BIRC6: variants seen among roughly 807,000 people sequenced by gnomAD.
BIRC6 encodes dual E2 ubiquitin-conjugating enzyme/E3 ubiquitin-protein ligase BIRC6.
Under a neutral mutation model 503.3 loss-of-function variants are expected in BIRC6, and 98 were observed. The observed-to-expected ratio is 0.19, with a 90% CI of 0.17 to 0.23. The LOEUF is 0.23. Among genes scored for constraint, BIRC6 ranks in the 10% least tolerant of loss-of-function variants. The pLI is 1.00. For missense variants in BIRC6, 5,360 were observed against 5,806.0 expected (o/e 0.92, Z 2.50); for synonymous variants, 2,240 against 2,078.7 (o/e 1.08, Z -2.11).
In BIRC6 at chr2:32,548,365, C is replaced by CTTTT. The variant is rs1202755440; in HGVS notation, c.12975+370_12975+373dup. 8.6e-3 allele frequency among the ~76,000 whole-genome samples: 633 copies of CTTTT among 73,316 alleles called. 2 individuals carry two copies. The highest frequency in any genetic ancestry group is 0.012 in the Middle Eastern group (1 of 82). 48.1% of individuals were successfully genotyped at this position (73,316 alleles called of 152,430 possible). On this transcript the variant is annotated intron_variant, in intron 64 of 73. Transcript: ENST00000421745. The stretch of plus-strand genomic sequence containing the variant: ...TATTTATATGCATTTTGGTTGCTTA[C>CTTTT]TTTTTTTTTTTTTTTTTTTTTTGAG...
In BIRC6 at chr2:32,487,706, C is replaced by G. The variant is rs1182159640; in HGVS notation, c.7873C>G (p.Gln2625Glu). Residue 2625 changes from glutamine to glutamate, a missense_variant, in exon 41 of 74, where the codon CAA (glutamine) becomes GAA (glutamate). Gln to Glu is a conservative substitution (Grantham distance 29). Coordinates refer to ENST00000421745, the MANE Select transcript of BIRC6 (RefSeq NM_016252.4). ...SLLGGLQAANQTSQLIIQLSS... is the reference protein window; with the variant it reads ...SLLGGLQAANETSQLIIQLSS... ...TCTAGGGGGTTTACAAGCAGCAAAC[C>G]AAACCAGCCAGCTTATTATACAGTT... is the stretch of plus-strand genomic sequence containing the variant. 6.2e-7 allele frequency: 1 copy of G among 1,613,642 alleles called. No homozygotes were observed. The highest frequency in any genetic ancestry group is 8.5e-7 in the Non-Finnish European group (1 of 1,179,690).
intron 1 of BIRC6, among the ~76,000 whole-genome samples, chr2:32,374,541 T>C (rs974333673): frequency 2.0e-5 from 3 of 151,624 alleles, no homozygotes; most frequent in South Asian, 2.1e-4. Flanking sequence ...GGCGTGATCT[T>C]GGCTCACTGC....
rs1490347679 is a variant in BIRC6 at position 32,519,010 on chromosome 2, GT to G, written c.11623+69del. 43 of 1,478,610 alleles carry G rather than the reference GT, an allele frequency of 2.9e-5. No individual in the cohort carries two copies. The African/African-American group carries it at 5.6e-4, about 19-fold the overall frequency. 91.6% of individuals were successfully genotyped at this position (1,478,610 alleles called of 1,614,324 possible). A position where few individuals can be genotyped will look rare whatever the true frequency, so the allele number is the denominator to read the frequency against. On this transcript the variant is annotated intron_variant, in intron 57 of 73. Transcript: ENST00000421745. ...TGTTTGATGTATATGGAGGTTTATT[GT>G]TTTTATAACTTTATTTTCTGCATCC...
chr2:32,430,805 C>CTTTTTTTTTTTTTTTTTT (rs370529825), intron 11 of BIRC6, 60 bp from the exon 12 acceptor site: 1 of 456,306 alleles, frequency 2.2e-6, no homozygotes, highest in African/African-American at 2.3e-5. Flanking sequence ...TCATTGTCTT[C>CTTTTTTTTTTTTTTTTTT]TTTTTTTTTT....
intron 53 of BIRC6, 91 bp downstream of exon 53, chr2:32,510,725 C>T: frequency 1.2e-6 from 1 of 860,040 alleles, no homozygotes; most frequent in Non-Finnish European, 1.9e-6. Flanking sequence ...TAGATGATCT[C>T]ATAAAAGACA....
At chr2:32,449,126 A>G (rs1008684002) in intron 22 of BIRC6, 198 bp downstream of exon 22, 1 of 495,300 alleles carries the variant, frequency 2.0e-6, no homozygotes, top group Non-Finnish European at 3.4e-6. Context: ...CCAGTATATT[A>G]AAGTCATATT....
At chr2:32,608,639 A>G (rs1573356535) in intron 72 of BIRC6, among the ~76,000 whole-genome samples, 1 of 150,402 alleles carries the variant, frequency 6.6e-6, no homozygotes, top group African/African-American at 2.5e-5. Context: ...CTGATCTTGA[A>G]CTCCTGACCT....
intron 33 of BIRC6, among the ~76,000 whole-genome samples, chr2:32,474,704 T>C (rs2049527313): frequency 6.6e-6 from 1 of 152,230 alleles, no homozygotes; most frequent in Admixed American, 6.5e-5. Flanking sequence ...AAACTGGCTG[T>C]TTCAGAAAAA....
chr2:32,598,026 C>G, intron 69 of BIRC6, 58 bp downstream of exon 69: 1 of 1,381,260 alleles, frequency 7.2e-7, no homozygotes, highest in South Asian at 1.3e-5. Flanking sequence ...TCTAATTACT[C>G]AAATTTTTAT....
chr2:32,421,094 T>C (rs1358597406), intron 10 of BIRC6, among the ~76,000 whole-genome samples: 1 of 150,292 alleles, frequency 6.7e-6, no homozygotes, highest in African/African-American at 2.4e-5. Flanking sequence ...TCTAGTTTCT[T>C]TCTTTCTTTC....
At chr2:32,609,148 T>C (rs2062677269) in intron 72 of BIRC6, among the ~76,000 whole-genome samples, 1 of 152,178 alleles carries the variant, frequency 6.6e-6, no homozygotes, top group Non-Finnish European at 1.5e-5. Context: ...CCTTCCAGAC[T>C]GTTGGAATTA....
intron 65 of BIRC6, among the ~76,000 whole-genome samples, chr2:32,573,812 G>A (rs1573107691): frequency 6.6e-6 from 1 of 151,976 alleles, no homozygotes; most frequent in Non-Finnish European, 1.5e-5. Flanking sequence ...TCTGTCATTC[G>A]TTTTCACAAA....
chr2:32,420,540 G>C (rs1271132075), intron 10 of BIRC6, among the ~76,000 whole-genome samples: 1 of 151,902 alleles, frequency 6.6e-6, no homozygotes, highest in African/African-American at 2.4e-5. Flanking sequence ...TTGAGACAGA[G>C]TCTTGCTTTG....
intron 1 of BIRC6, among the ~76,000 whole-genome samples, chr2:32,361,155 G>A (rs1489616476): frequency 1.3e-5 from 2 of 151,834 alleles, no homozygotes; most frequent in South Asian, 2.1e-4. Context: ...GGCTGGTCTC[G>A]AACTCCTGAC....
chr2:32,425,999 T>C (rs1295204989), intron 10 of BIRC6, among the ~76,000 whole-genome samples: 1 of 152,196 alleles, frequency 6.6e-6, no homozygotes, highest in East Asian at 1.9e-4. Context: ...GTCTCCTCTG[T>C]TTATTGTAGA....
At chr2:32,559,544 G>T (rs1288241930) in intron 65 of BIRC6, among the ~76,000 whole-genome samples, 1 of 152,094 alleles carries the variant, frequency 6.6e-6, no homozygotes, top group African/African-American at 2.4e-5. Context: ...GTTGTTTTGT[G>T]CTTTAACAGG....
chr2:32,582,792 G>A (rs2060769568), intron 66 of BIRC6, among the ~76,000 whole-genome samples: 1 of 151,998 alleles, frequency 6.6e-6, no homozygotes, highest in Non-Finnish European at 1.5e-5. Context: ...AAACTAGAAT[G>A]ACTGCTTAAA....
chr2:32,364,555 T>C lies in BIRC6; in HGVS notation c.325+7069T>C, dbSNP rs140456826. Among the ~76,000 whole-genome samples the C allele has an allele frequency of 7.5e-3, 1,141 of 152,288 alleles. 8 individuals carry two copies. The highest frequency in any genetic ancestry group is 0.02 in the Middle Eastern group (6 of 294). On this transcript the variant is annotated intron_variant, in intron 1 of 73. Transcript: ENST00000421745. ...CGTGCCCAGCCCTGCTCAGTGTTCTTAGACAAACACTCCAGTTTTACATTT... is the reference window on the plus strand; with the variant it reads ...CGTGCCCAGCCCTGCTCAGTGTTCTCAGACAAACACTCCAGTTTTACATTT...
chr2:32,478,568 T>C, intron 35 of BIRC6, 67 bp from the exon 36 acceptor site: 1 of 1,396,184 alleles, frequency 7.2e-7, no homozygotes, highest in Non-Finnish European at 9.8e-7. Context: ...ATTGGTAGAC[T>C]TCTGTTAGTG....
Sources: allele counts gnomAD v4.1 joint callset (sites outside exome capture counted in the v4.1 genomes callset), GRCh38; gene constraint gnomAD v4.1.1; transcripts MANE v1.5; gene names NCBI Gene and HGNC (gene_info 2026-07-23, HGNC 2026-07-21).